The following RCOR3 variants were observed in gnomAD, a reference collection of about 807,000 sequenced individuals.
The protein encoded by RCOR3 is REST corepressor 3.
In RCOR3, 13 loss-of-function variants were observed where a neutral mutation model predicts 64.1. The ratio of observed to expected loss-of-function variants is 0.20; its 90% CI spans 0.13 to 0.32. The LOEUF is 0.32. Among genes scored for constraint, RCOR3 ranks in the 10% least tolerant of loss-of-function variants. RCOR3 has a pLI of 1.00. For synonymous variants in RCOR3, 215 were observed against 239.0 expected (o/e 0.90, Z 0.93); for missense variants, 489 against 701.2 (o/e 0.70, Z 3.42).
chr1:211,281,764 A>T (rs1441554080), intron 7 of RCOR3, among the ~76,000 whole-genome samples: 1 of 152,122 alleles, frequency 6.6e-6, no homozygotes, highest in Non-Finnish European at 1.5e-5. Context: ...TAGCTTCTCT[A>T]TGAAATCTTG....
chr1:211,296,155 A>T lies in RCOR3; in HGVS notation c.1017+402A>T, dbSNP rs12729996. Among the ~76,000 whole-genome samples the T allele has an allele frequency of 4.6e-4, 70 of 152,216 alleles. 1 individual carries two copies. Among genetic ancestry groups the T allele is most frequent in the African/African-American group, 1.5e-3 (63 of 41,534 alleles). On this transcript the variant is annotated intron_variant, in intron 9 of 11. Transcript: ENST00000419091. ...TCATGAAAACAAGCTAGATTATTTT[A>T]ACGAATTTTTATTTTAATTTAAGAT...
chr1:211,297,699 GA>G lies in RCOR3; in HGVS notation c.1017+1951del, dbSNP rs1259545698. Among the ~76,000 whole-genome samples the G allele has an allele frequency of 3.3e-5, 5 of 152,224 alleles. No homozygotes were observed. In the East Asian group the frequency reaches 9.6e-4, roughly 29 times the overall value. On this transcript the variant is annotated intron_variant, in intron 9 of 11. Coordinates refer to ENST00000419091, the MANE Select transcript of RCOR3 (RefSeq NM_001136223.3). ...TTGATTTATTGAACTTATATGATAT[GA>G]AAAATGTATATATGTTGTATCATCT...
Position 211,259,525 on chromosome 1 carries a change from C to G in RCOR3, c.-36C>G. The stretch of plus-strand genomic sequence containing the variant: ...TCTCCGCCTTCACCCTGACGCCTGC[C>G]TCTTCCCCTCACCTTTCCCCCTCCC... On this transcript the variant is annotated 5_prime_UTR_variant, in exon 1 of 12. Transcript: ENST00000419091. 1 of 1,535,440 alleles carries G rather than the reference C, an allele frequency of 6.5e-7. No homozygotes were observed.
chr1:211,301,864 G>T (rs1165553153), intron 9 of RCOR3: 1 of 152,126 alleles, frequency 6.6e-6, no homozygotes. Flanking sequence ...TTTCATTAAT[G>T]ATACCTTTCC....
chr1:211,280,263 C>G (rs937774759), intron 7 of RCOR3, among the ~76,000 whole-genome samples: 2 of 152,172 alleles, frequency 1.3e-5, no homozygotes, highest in African/African-American at 4.8e-5. Context: ...AAGTGTCAGA[C>G]AGAAGCTCCC....
chr1:211,308,698 T>TTTTTTTTTGTGTG (rs1701171863), intron 10 of RCOR3, among the ~76,000 whole-genome samples: 1 of 40,874 alleles, frequency 2.4e-5, no homozygotes, highest in African/African-American at 6.9e-5. Flanking sequence ...TTTTTTTTTT[T>TTTTTTTTTGTGTG]TGTGTAGTCC....
At chr1:211,293,685 A>G (rs1413797750) in intron 8 of RCOR3, among the ~76,000 whole-genome samples, 4 of 152,172 alleles carry the variant, frequency 2.6e-5, no homozygotes, top group East Asian at 1.9e-4. Flanking sequence ...CCACTAGTCT[A>G]TGAAATCCTC....
intron 9 of RCOR3, among the ~76,000 whole-genome samples, chr1:211,299,709 C>A (rs989513401): frequency 6.6e-6 from 1 of 151,908 alleles, no homozygotes; most frequent in African/African-American, 2.4e-5. Flanking sequence ...CTTTTTGGTA[C>A]CTTTCATATT....
intron 2 of RCOR3, among the ~76,000 whole-genome samples, chr1:211,266,617 G>A (rs1386144877): frequency 6.6e-6 from 1 of 152,106 alleles, no homozygotes; most frequent in East Asian, 1.9e-4. Context: ...TACTTCTAAG[G>A]CATGGTTGTT....
At chr1:211,308,687 T>TTTTTTTTTTTTG (rs1701159677) in intron 10 of RCOR3, among the ~76,000 whole-genome samples, 1 of 64,826 alleles carries the variant, frequency 1.5e-5, no homozygotes, top group Admixed American at 2.1e-4. Context: ...TTTTTTTGTT[T>TTTTTTTTTTTTG]TTTTTTTTTT....
At chr1:211,260,042 CTCTTCCTTTT>C in intron 1 of RCOR3, 56 bp from the exon 2 acceptor site, 1 of 1,306,328 alleles carries the variant, frequency 7.7e-7, no homozygotes, top group Non-Finnish European at 1.0e-6. Flanking sequence ...TTTTAAGTGT[CTCTTCCTTTT>C]TCTTTCTTTT....
At chr1:211,296,904 A>T (rs976107257) in intron 9 of RCOR3, among the ~76,000 whole-genome samples, 4 of 152,134 alleles carry the variant, frequency 2.6e-5, no homozygotes, top group Admixed American at 6.6e-5. Context: ...AACTGTCTAT[A>T]ATTTTGTAAT....
chr1:211,274,353 A>C (rs1553253484), intron 4 of RCOR3, 91 bp downstream of exon 4: 1 of 863,780 alleles, frequency 1.2e-6, no homozygotes, highest in Non-Finnish European at 1.8e-6. Context: ...AACAGCGTGC[A>C]TAAGCTTGAC....
chr1:211,305,717 G>A (rs1470043062), intron 10 of RCOR3, among the ~76,000 whole-genome samples: 1 of 152,170 alleles, frequency 6.6e-6, no homozygotes, highest in African/African-American at 2.4e-5. Flanking sequence ...TTGCTCTACA[G>A]AGTAATTTAA....
intron 9 of RCOR3, among the ~76,000 whole-genome samples, chr1:211,300,591 C>T (rs935156559): frequency 1.3e-5 from 2 of 152,150 alleles, no homozygotes; most frequent in Admixed American, 6.5e-5. Context: ...AGGCATTCTC[C>T]AAGTTGTTCT....
intron 1 of RCOR3, 36 bp downstream of exon 1, chr1:211,259,762 G>T (rs1307720644): frequency 1.0e-5 from 14 of 1,346,982 alleles, no homozygotes; most frequent in Non-Finnish European, 1.1e-5. Context: ...CAGCCCGCCT[G>T]CCCCCCTCCC....
intron 3 of RCOR3, among the ~76,000 whole-genome samples, chr1:211,273,280 A>G (rs1347943558): frequency 6.6e-6 from 1 of 152,202 alleles, no homozygotes; most frequent in African/African-American, 2.4e-5. Context: ...GGAGGAAGGT[A>G]CTGTTTTTAA....
rs555641553 is a variant in RCOR3 at position 211,264,116 on chromosome 1, C to A, written c.223+3952C>A. 2.0e-5 allele frequency among the ~76,000 whole-genome samples: 3 copies of A among 152,282 alleles called. No individual in the cohort carries two copies. In the South Asian group the frequency reaches 6.2e-4, roughly 32 times the overall value. On this transcript the variant is annotated intron_variant, in intron 2 of 11. Transcript: ENST00000419091. ...GGGATTACACGGTTGAGCCACCACACCCTGCCAAAAAGATATTTATTAATT... is the reference window on the plus strand; with the variant it reads ...GGGATTACACGGTTGAGCCACCACAACCTGCCAAAAAGATATTTATTAATT...
intron 2 of RCOR3, among the ~76,000 whole-genome samples, chr1:211,263,434 TTTAC>T (rs2102421869): frequency 7.6e-5 from 1 of 13,082 alleles, no homozygotes; most frequent in Admixed American, 1.3e-3. Context: ...TTTCAATTTA[TTTAC>T]TCAGACTAAT....
Sources: gnomAD v4.1 joint callset for allele counts (sites outside exome capture counted in the v4.1 genomes callset) on GRCh38, gnomAD v4.1.1 for gene constraint, MANE v1.5 for transcripts, NCBI Gene and HGNC (gene_info 2026-07-23, HGNC 2026-07-21) for gene names.